MYT1: variants seen among roughly 807,000 people sequenced by gnomAD.
MYT1 encodes myelin transcription factor I.
MYT1 carries 23 observed loss-of-function variants against 123.0 expected under a neutral mutation model. The ratio of observed to expected loss-of-function variants is 0.19; its 90% CI spans 0.13 to 0.26. MYT1 has a LOEUF of 0.26. Among genes scored for constraint, MYT1 ranks in the 10% least tolerant of loss-of-function variants. The pLI is 1.00. For synonymous variants in MYT1, 518 were observed against 575.3 expected (o/e 0.90, Z 1.43); for missense variants, 1,125 against 1,472.5 (o/e 0.76, Z 3.86).
At position 64,235,097 on chromosome 20, in the gene MYT1, G is replaced by A. The variant is rs547447635; in HGVS notation, c.2898-1458G>A. On this transcript the variant is annotated intron_variant, in intron 19 of 22. Coordinates refer to ENST00000328439, the MANE Select transcript of MYT1 (RefSeq NM_004535.3). ...GGTCATGGTGGGTGACCCTGGGATG[G>A]CCGTGGTGGGTGACCCTGGGATGGT... Among the ~76,000 whole-genome samples the A allele has an allele frequency of 6.0e-5, 9 of 149,084 alleles. No individual in the cohort carries two copies. The South Asian group carries it at 1.5e-3, about 25-fold the overall frequency.
chr20:64,186,775 G>A lies in MYT1; in HGVS notation c.-98-3288G>A, dbSNP rs148819093. On this transcript the variant is annotated intron_variant, in intron 1 of 22. Coordinates refer to ENST00000328439, the MANE Select transcript of MYT1 (RefSeq NM_004535.3). The surrounding 1 kb of genome is among the most constrained non-coding windows in gnomAD (Gnocchi z 4.3). ...GAGATTTCCTGTAGCCCGTGGCCCC[G>A]GCATCCACGTTTCCGTGGAGACTTT... Among the ~76,000 whole-genome samples, 8,027 of 152,096 alleles carry A rather than the reference G, an allele frequency of 0.053. 397 individuals carry two copies. The highest frequency in any genetic ancestry group is 0.13 in the South Asian group (649 of 4,824).
At chr20:64,210,994 G>C (rs1200310625) in intron 7 of MYT1, among the ~76,000 whole-genome samples, 3 of 152,212 alleles carry the variant, frequency 2.0e-5, no homozygotes, top group Non-Finnish European at 4.4e-5. Context: ...GGATTGTCAG[G>C]GCAGCCTCAG....
rs761368261 is a variant in MYT1, at chr20:64,208,292, G to C, written c.1096G>C (p.Glu366Gln). 1.3e-5 allele frequency: 21 copies of C among 1,614,066 alleles called. No homozygotes were observed. In the Admixed American group the frequency reaches 3.3e-4, roughly 26 times the overall value. Residue 366 changes from glutamate to glutamine, a missense_variant, in exon 7 of 23, where the codon GAG becomes CAG. This residue lies in a region of MYT1 where 429 missense variants were observed against 604.1 expected (regional missense o/e 0.71). Coordinates refer to ENST00000328439, the MANE Select transcript of MYT1 (RefSeq NM_004535.3). The surrounding 1 kb of genome is among the most constrained non-coding windows in gnomAD (Gnocchi z 5.4). ...CTCCCGGAAGTCAACAGTCACTGAC[G>C]AGTCGGAGATGCAGGACATGATGAC... ...THSRKSTVTD[E>Q]SEMQDMMTRG...
intron 19 of MYT1, 70 bp from the exon 20 acceptor site, chr20:64,236,485 G>T (rs909613743): frequency 4.8e-6 from 6 of 1,246,826 alleles, no homozygotes; most frequent in African/African-American, 4.5e-5. Flanking sequence ...GCTGGCCGTG[G>T]TATGTGACCC....
At chr20:64,223,932 C>T (rs1984088673) in intron 16 of MYT1, among the ~76,000 whole-genome samples, 1 of 152,226 alleles carries the variant, frequency 6.6e-6, no homozygotes, top group African/African-American at 2.4e-5. Flanking sequence ...TTCTGTACCT[C>T]CCTGCCCCTA....
intron 22 of MYT1, 39 bp downstream of exon 22, chr20:64,239,942 C>A (rs200168510): frequency 5.1e-5 from 81 of 1,602,794 alleles, no homozygotes; most frequent in South Asian, 9.9e-5. Context: ...ACAGCTACCC[C>A]CCAGGGTCTC....
chr20:64,238,620 C>G (rs935563393), intron 21 of MYT1, among the ~76,000 whole-genome samples: 1 of 116,304 alleles, frequency 8.6e-6, no homozygotes, highest in Non-Finnish European at 1.9e-5. Flanking sequence ...GGAGTGATGG[C>G]CCTCCCGGCG....
In MYT1 at chr20:64,232,433, C is replaced by CT; in HGVS notation, c.2897+49dup. The CT allele has an allele frequency of 1.9e-6, 3 of 1,577,124 alleles. No homozygotes were observed. The highest frequency in any genetic ancestry group is 1.7e-6 in the Non-Finnish European group (2 of 1,149,036). On this transcript the variant is annotated intron_variant, in intron 19 of 22. Transcript: ENST00000328439. The surrounding 1 kb of genome is among the most constrained non-coding windows in gnomAD (Gnocchi z 6.9). ...CCCCTCTGTGCAGTCAGTAGGGACC[C>CT]TCGCCTGGGGCCTGGGGCTGAAGCT... is the stretch of plus-strand genomic sequence containing the variant.
At chr20:64,201,354 A>G (rs1216308570) in intron 4 of MYT1, among the ~76,000 whole-genome samples, 1 of 152,234 alleles carries the variant, frequency 6.6e-6, no homozygotes, top group African/African-American at 2.4e-5. Flanking sequence ...TGTGGTCTCA[A>G]CTGACATATT....
At position 64,227,927 on chromosome 20, in the gene MYT1, G is replaced by A; in HGVS notation, c.2631G>A (p.Lys877=). ...CTCGTGCAAAGAAAAGTGGAGTCAAGGTGGCACCCACCAAGGACGACAAGG... is the reference window on the plus strand; with the variant it reads ...CTCGTGCAAAGAAAAGTGGAGTCAAAGTGGCACCCACCAAGGACGACAAGG... ...GCPRAKKSGV[K]VAPTKDDKED... is the part of the protein sequence containing the mutation. The change falls in exon 18 of 23, where the codon AAG becomes AAA. Residue 877 remains lysine, a synonymous_variant. Transcript: ENST00000328439. The A allele has an allele frequency of 6.2e-7, 1 of 1,614,052 alleles. No homozygotes were observed. Among genetic ancestry groups the A allele is most frequent in the Non-Finnish European group, 8.5e-7 (1 of 1,179,982 alleles).
At chr20:64,173,578 C>G (rs1170381245) in intron 1 of MYT1, among the ~76,000 whole-genome samples, 1 of 147,686 alleles carries the variant, frequency 6.8e-6, no homozygotes, top group African/African-American at 2.5e-5. Context: ...CTGACTTCTC[C>G]TCCTGCAGCA....
At chr20:64,201,090 A>C (rs574921706) in intron 4 of MYT1, among the ~76,000 whole-genome samples, 34 of 152,226 alleles carry the variant, frequency 2.2e-4, no homozygotes, top group Non-Finnish European at 2.4e-4. Context: ...ACGGAGGAGA[A>C]TCCCAGGCGA....
Position 64,208,036 on chromosome 20 carries a change from A to AGAGGAGGAGGAAGAGGAAGAG in MYT1, c.870_890dup (p.Glu300_Glu306dup), listed in dbSNP as rs759999952. 81 of 1,580,702 alleles carry AGAGGAGGAGGAAGAGGAAGAG rather than the reference A, an allele frequency of 5.1e-5. No individual in the cohort carries two copies. The East Asian group carries it at 9.5e-4, about 18-fold the overall frequency. ...AGGAGGATGAAGAAGAGGAAGAGGA[A>AGAGGAGGAGGAAGAGGAAGAG]GAGGAGGAGGAAGAGGAAGAGGAGG... is the stretch of plus-strand genomic sequence containing the variant. On this transcript the variant is annotated inframe_insertion, in exon 7 of 23. Transcript: ENST00000328439. This position sits in a 1 kb window ranked among gnomAD's most constrained non-coding sequence, Gnocchi z 5.4.
rs1298637879 is a variant in MYT1 at position 64,232,402 on chromosome 20, G to T, written c.2897+17G>T. 2.0e-5 allele frequency: 33 copies of T among 1,611,720 alleles called. No homozygotes were observed. In the Admixed American group the frequency reaches 5.3e-4, roughly 26 times the overall value. ...CCACCGGAGGTAACTGTGCCTGCAG[G>T]TCCTGCCCCTCTGTGCAGTCAGTAG... On this transcript the variant is annotated intron_variant, in intron 19 of 22. Transcript: ENST00000328439. The surrounding 1 kb of genome is among the most constrained non-coding windows in gnomAD (Gnocchi z 6.9).
At position 64,217,247 on chromosome 20, in the gene MYT1, T is replaced by C; in HGVS notation, c.1812T>C (p.Ile604=). 1 of 1,614,240 alleles carries C rather than the reference T, an allele frequency of 6.2e-7. No homozygotes were observed. The highest frequency in any genetic ancestry group is 8.5e-7 in the Non-Finnish European group (1 of 1,180,044). Residue 604 remains isoleucine (I), a synonymous_variant, in exon 11 of 23, where the codon ATT becomes ATC. Coordinates refer to ENST00000328439, the MANE Select transcript of MYT1 (RefSeq NM_004535.3). ...VFGKRMLAPK[I]QTSETSPKAF... is the part of the protein sequence containing the mutation. ...GCAAACGCATGCTTGCCCCAAAGAT[T>C]CAGACCAGCGAAACCTCACCTAAAG...
At position 64,186,581 on chromosome 20, in the gene MYT1, G is replaced by A. The variant is rs1441635157; in HGVS notation, c.-98-3482G>A. ...AATAATTCTTCCCCTCCCACTTTGT[G>A]GGTGAAGGACTTAAGTCTCAGAGAG... On this transcript the variant is annotated intron_variant, in intron 1 of 22. Transcript: ENST00000328439. This position sits in a 1 kb window ranked among gnomAD's most constrained non-coding sequence, Gnocchi z 4.3. Among the ~76,000 whole-genome samples, 3 of 152,256 alleles carry A rather than the reference G, an allele frequency of 2.0e-5. No individual in the cohort carries two copies. The highest frequency in any genetic ancestry group is 4.4e-5 in the Non-Finnish European group (3 of 68,046).
chr20:64,240,043 C>A lies in MYT1; in HGVS notation c.3237+140C>A, dbSNP rs370659529. The A allele has an allele frequency of 6.7e-5, 89 of 1,320,432 alleles. 1 individual carries two copies. The East Asian group carries it at 2.0e-3, about 29-fold the overall frequency. 81.8% of individuals were successfully genotyped at this position (1,320,432 alleles called of 1,614,324 possible). Reference sequence around the variant, plus strand: ...TGTGCCCTTGTGGAGATTCTCTCCACCCCGAATGGCCCGGGCTGTTGGCTG... The same window carrying A: ...TGTGCCCTTGTGGAGATTCTCTCCAACCCGAATGGCCCGGGCTGTTGGCTG... On this transcript the variant is annotated intron_variant, in intron 22 of 22. Coordinates refer to ENST00000328439, the MANE Select transcript of MYT1 (RefSeq NM_004535.3).
chr20:64,234,342 G>A (rs1427466235), intron 19 of MYT1, among the ~76,000 whole-genome samples: 1 of 152,168 alleles, frequency 6.6e-6, no homozygotes, highest in Non-Finnish European at 1.5e-5. Flanking sequence ...CGGCAAGTGG[G>A]TCATGTGGAC....
intron 2 of MYT1, among the ~76,000 whole-genome samples, chr20:64,195,642 C>T (rs1023186757): frequency 2.0e-5 from 3 of 151,260 alleles, no homozygotes; most frequent in Admixed American, 6.6e-5. Context: ...GTGATCCACC[C>T]GCCTCAGCCT....
Sources: allele counts gnomAD v4.1 joint callset (sites outside exome capture counted in the v4.1 genomes callset), GRCh38; gene constraint gnomAD v4.1.1; regional missense constraint gnomAD v4.1.1; non-coding constraint Gnocchi (gnomAD v3.1); transcripts MANE v1.5; gene names NCBI Gene and HGNC (gene_info 2026-07-23, HGNC 2026-07-21).